The following SLCO1A2 variants were observed in gnomAD, a reference collection of about 807,000 sequenced individuals.
SLCO1A2 encodes solute carrier organic anion transporter family member 1A2.
A neutral mutation model predicts 69.0 loss-of-function variants in SLCO1A2; 67 were observed. The observed-to-expected ratio is 0.97, with a 90% CI of 0.80 to 1.19. The LOEUF (loss-of-function observed/expected upper bound fraction) is 1.19, where lower values mean the gene tolerates loss of function less well. Among genes scored for constraint, SLCO1A2 ranks in the 50% most tolerant of loss-of-function variants. SLCO1A2 has a pLI of 0.00. For synonymous variants in SLCO1A2, 260 were observed against 265.9 expected (o/e 0.98, Z 0.22); for missense variants, 787 against 793.7 (o/e 0.99, Z 0.10).
intron 1 of SLCO1A2, among the ~76,000 whole-genome samples, chr12:21,388,535 G>T (rs1941000986): frequency 6.6e-6 from 1 of 152,032 alleles, no homozygotes; most frequent in South Asian, 2.1e-4. Context: ...TCCTTCTTCT[G>T]CCATGATTGT....
At chr12:21,370,481 C>G (rs949603774) in intron 2 of SLCO1A2, among the ~76,000 whole-genome samples, 1 of 109,362 alleles carries the variant, frequency 9.1e-6, no homozygotes, top group African/African-American at 3.5e-5. Flanking sequence ...CCTCCCCCCT[C>G]CCCCGACCCC....
At chr12:21,273,001 C>CAAGCT (rs1337607404) in intron 14 of SLCO1A2, among the ~76,000 whole-genome samples, 4 of 152,128 alleles carry the variant, frequency 2.6e-5, no homozygotes, top group African/African-American at 9.7e-5. Flanking sequence ...ACAGAAGATA[C>CAAGCT]AAGACTCATA....
chr12:21,361,711 G>C (rs555451582), intron 2 of SLCO1A2, among the ~76,000 whole-genome samples: 5 of 152,270 alleles, frequency 3.3e-5, no homozygotes, highest in African/African-American at 1.2e-4. Flanking sequence ...TGACCTGATG[G>C]AGCTGAAAAT....
intron 2 of SLCO1A2, among the ~76,000 whole-genome samples, chr12:21,368,229 C>G (rs746780085): frequency 6.6e-6 from 1 of 152,132 alleles, no homozygotes; most frequent in Non-Finnish European, 1.5e-5. Flanking sequence ...CGAATCATAT[C>G]AAGCCTCTAG....
intron 2 of SLCO1A2, among the ~76,000 whole-genome samples, chr12:21,372,422 G>A (rs1939866861): frequency 6.6e-6 from 1 of 151,922 alleles, no homozygotes; most frequent in East Asian, 1.9e-4. Flanking sequence ...TCACCTCATT[G>A]TAAATGACTT....
chr12:21,365,342 A>G (rs549847040), intron 2 of SLCO1A2, among the ~76,000 whole-genome samples: 1 of 152,354 alleles, frequency 6.6e-6, no homozygotes, highest in South Asian at 2.1e-4. Context: ...CTGGCTAGCC[A>G]TATGTAGAAA....
intron 2 of SLCO1A2, among the ~76,000 whole-genome samples, chr12:21,345,109 T>C (rs1012032535): frequency 1.1e-4 from 17 of 151,976 alleles, no homozygotes; most frequent in African/African-American, 3.9e-4. Context: ...CTTCAAGCAT[T>C]GGAGGGCTTT....
intron 2 of SLCO1A2, among the ~76,000 whole-genome samples, chr12:21,366,812 A>T (rs2137070990): frequency 6.6e-6 from 1 of 152,046 alleles, no homozygotes; most frequent in Non-Finnish European, 1.5e-5. Flanking sequence ...AAGTTGGTAG[A>T]TTAGGAAACT....
At chr12:21,394,260 C>G (rs1320567300) in intron 1 of SLCO1A2, among the ~76,000 whole-genome samples, 1 of 152,176 alleles carries the variant, frequency 6.6e-6, no homozygotes, top group East Asian at 1.9e-4. Flanking sequence ...AATGTTGGGT[C>G]AGTGCAGTGG....
chr12:21,399,009 T>G (rs183598864), upstream of SLCO1A2, among the ~76,000 whole-genome samples: 4,737 of 149,882 alleles, frequency 0.032, no homozygotes, highest in Non-Finnish European at 0.047. Context: ...AACAGAGTGT[T>G]GGAAGTTCTG....
chr12:21,268,103 A>G lies in SLCO1A2; in HGVS notation c.*1445T>C, dbSNP rs535433840. 6.6e-6 allele frequency: 1 copy of G among 152,040 alleles called. No individual in the cohort carries two copies. The highest frequency in any genetic ancestry group is 1.9e-4 in the East Asian group (1 of 5,166). The allele number at this position is 152,040 out of a possible 1,614,324, so 9.4% of individuals were successfully genotyped here. On this transcript the variant is annotated 3_prime_UTR_variant, in exon 15 of 15. Coordinates refer to ENST00000683939, the MANE Select transcript of SLCO1A2 (RefSeq NM_001386879.1). Reference sequence around the variant, plus strand: ...CTCATTTGCTTTCTTTTTTCATATGATGCATCTGATCATTTAGGAAATCAT... The same window carrying G: ...CTCATTTGCTTTCTTTTTTCATATGGTGCATCTGATCATTTAGGAAATCAT...
At chr12:21,313,011 G>A (rs1341791603) in intron 4 of SLCO1A2, among the ~76,000 whole-genome samples, 1 of 152,164 alleles carries the variant, frequency 6.6e-6, no homozygotes, top group African/African-American at 2.4e-5. Context: ...ACCTGAGCCT[G>A]TGGAGGTCAA....
At chr12:21,328,848 CACTGA>C (rs1338520828) in intron 2 of SLCO1A2, among the ~76,000 whole-genome samples, 2 of 152,146 alleles carry the variant, frequency 1.3e-5, no homozygotes, top group Non-Finnish European at 2.9e-5. Context: ...GGTTACAGGG[CACTGA>C]ACTGGATACT....
chr12:21,313,486 C>T (rs1313011860), intron 4 of SLCO1A2, among the ~76,000 whole-genome samples: 2 of 152,164 alleles, frequency 1.3e-5, no homozygotes, highest in Non-Finnish European at 2.9e-5. Flanking sequence ...CCGAGGTGGG[C>T]GGATTGCTTG....
intron 12 of SLCO1A2, among the ~76,000 whole-genome samples, chr12:21,290,158 C>T (rs947892387): frequency 3.3e-5 from 5 of 151,858 alleles, no homozygotes; most frequent in African/African-American, 1.2e-4. Flanking sequence ...TCTAATGGCA[C>T]ATCACCTTTA....
At chr12:21,282,302 A>G (rs1025743235) in intron 12 of SLCO1A2, among the ~76,000 whole-genome samples, 2 of 152,102 alleles carry the variant, frequency 1.3e-5, no homozygotes, top group Non-Finnish European at 2.9e-5. Context: ...TCTATATGAT[A>G]CATCATACCA....
chr12:21,353,131 T>C (rs1938092144), intron 2 of SLCO1A2, among the ~76,000 whole-genome samples: 1 of 152,192 alleles, frequency 6.6e-6, no homozygotes, highest in Admixed American at 6.5e-5. Flanking sequence ...CCTATTATAA[T>C]TTTAATCAAA....
Position 21,306,573 on chromosome 12 carries a change from C to T in SLCO1A2, c.442+309G>A, listed in dbSNP as rs544831815. ...AACTCCTGACCTCAGGTGATCCATC[C>T]GTCTCAGCCTCCCAAAGTGCTGGGA... On this transcript the variant is annotated intron_variant, in intron 5 of 14. Transcript: ENST00000683939. 4.6e-5 allele frequency among the ~76,000 whole-genome samples: 7 copies of T among 152,192 alleles called. No homozygotes were observed. The East Asian group carries it at 9.7e-4, about 21-fold the overall frequency.
At chr12:21,277,337 G>T (rs544598373) in intron 12 of SLCO1A2, among the ~76,000 whole-genome samples, 1 of 152,000 alleles carries the variant, frequency 6.6e-6, no homozygotes, top group African/African-American at 2.4e-5. Context: ...CTCAGTACTG[G>T]CAGGATACAT....
Sources: allele counts gnomAD v4.1 joint callset (sites outside exome capture counted in the v4.1 genomes callset), GRCh38; gene constraint gnomAD v4.1.1; transcripts MANE v1.5; gene names NCBI Gene and HGNC (gene_info 2026-07-23, HGNC 2026-07-21).